Variants in MFSD6 observed in about 807,000 individuals in gnomAD.
The protein encoded by MFSD6 is major facilitator superfamily domain-containing protein 6.
MFSD6 carries 26 observed loss-of-function variants against 56.3 expected under a neutral mutation model. The ratio of observed to expected loss-of-function variants is 0.46; its 90% CI spans 0.34 to 0.64. The LOEUF (loss-of-function observed/expected upper bound fraction) is 0.64, where lower values mean the gene tolerates loss of function less well. Ranked by LOEUF, MFSD6 falls within the 30% of genes least tolerant of loss-of-function variation. The pLI is 0.01. For missense variants in MFSD6, 750 were observed against 986.2 expected (o/e 0.76, Z 3.21); for synonymous variants, 331 against 366.9 (o/e 0.90, Z 1.12).
At chr2:190,470,910 T>C (rs896980136) in intron 4 of MFSD6, among the ~76,000 whole-genome samples, 1 of 151,976 alleles carries the variant, frequency 6.6e-6, no homozygotes, top group Non-Finnish European at 1.5e-5. Flanking sequence ...CAAGTATATA[T>C]ATATATACTT....
chr2:190,478,302 A>G (rs897249510), intron 4 of MFSD6, among the ~76,000 whole-genome samples: 1 of 152,158 alleles, frequency 6.6e-6, no homozygotes, highest in Non-Finnish European at 1.5e-5. Flanking sequence ...GCCAGTTTCC[A>G]CAGAGCTCTT....
chr2:190,435,890 A>G (rs1575838710), intron 2 of MFSD6, 87 bp from the exon 3 acceptor site: 1 of 1,130,418 alleles, frequency 8.8e-7, no homozygotes, highest in Non-Finnish European at 1.2e-6. Context: ...TTTAGTTTGT[A>G]ACTGCTTAAT....
intron 4 of MFSD6, among the ~76,000 whole-genome samples, chr2:190,481,977 T>C (rs1688699268): frequency 6.6e-6 from 1 of 152,204 alleles, no homozygotes; most frequent in Non-Finnish European, 1.5e-5. Flanking sequence ...GACATGCAGC[T>C]AGATTCTATT....
chr2:190,408,377 C>G lies in MFSD6; in HGVS notation c.-302C>G, dbSNP rs1159245398. 2 of 150,586 alleles carry G rather than the reference C, an allele frequency of 1.3e-5. No individual in the cohort carries two copies. Among genetic ancestry groups the G allele is most frequent in the African/African-American group, 2.4e-5 (1 of 41,070 alleles). The allele number at this position is 150,586 out of a possible 1,614,324, so 9.3% of individuals were successfully genotyped here. ...CCCGTCGCAGCCCCGGAGGAGCGCG[C>G]GAGCAGCCCGGGATGGTGCGCGCTG... On this transcript the variant is annotated 5_prime_UTR_variant, in exon 1 of 8. Coordinates refer to ENST00000392328, the MANE Select transcript of MFSD6 (RefSeq NM_017694.4).
chr2:190,409,258 G>A (rs1236114186), intron 1 of MFSD6, among the ~76,000 whole-genome samples: 1 of 152,048 alleles, frequency 6.6e-6, no homozygotes, highest in Admixed American at 6.5e-5. Flanking sequence ...TAAGATGGTG[G>A]AAAAATACAA....
At position 190,501,394 on chromosome 2, in the gene MFSD6, A is replaced by G. The variant is rs1279309928; in HGVS notation, c.*1176A>G. Reference sequence around the variant, plus strand: ...GGACAATGTAATGTATGCAACTGCAAACGTTACAACTGCAGCCAGAACAAT... The same window carrying G: ...GGACAATGTAATGTATGCAACTGCAGACGTTACAACTGCAGCCAGAACAAT... On this transcript the variant is annotated 3_prime_UTR_variant, in exon 8 of 8. Coordinates refer to ENST00000392328, the MANE Select transcript of MFSD6 (RefSeq NM_017694.4). 1.3e-5 allele frequency: 2 copies of G among 152,244 alleles called. No individual in the cohort carries two copies. The highest frequency in any genetic ancestry group is 2.4e-5 in the African/African-American group (1 of 41,460). 9.4% of individuals were successfully genotyped at this position (152,244 alleles called of 1,614,324 possible).
At chr2:190,446,897 T>C (rs1484563005) in intron 3 of MFSD6, among the ~76,000 whole-genome samples, 2 of 152,098 alleles carry the variant, frequency 1.3e-5, no homozygotes, top group Non-Finnish European at 2.9e-5. Context: ...ATTTCAGGGG[T>C]GAGGGACTTA....
At position 190,497,862 on chromosome 2, in the gene MFSD6, T is replaced by G. The variant is rs142995503; in HGVS notation, c.2172+143T>G. 1,958 of 962,012 alleles carry G rather than the reference T, an allele frequency of 2.0e-3. 18 individuals carry two copies. In the African/African-American group the frequency reaches 0.028, roughly 14 times the overall value. 59.6% of individuals were successfully genotyped at this position (962,012 alleles called of 1,614,324 possible). ...ATAGACATGCAAACAATTTCAGTACTCTGTGAGCACTGAGTTAAAGAGGGT... is the reference window on the plus strand; with the variant it reads ...ATAGACATGCAAACAATTTCAGTACGCTGTGAGCACTGAGTTAAAGAGGGT... On this transcript the variant is annotated intron_variant, in intron 7 of 7. Coordinates refer to ENST00000392328, the MANE Select transcript of MFSD6 (RefSeq NM_017694.4). The surrounding 1 kb of genome is among the most constrained non-coding windows in gnomAD (Gnocchi z 5.2).
rs1038204231 is a variant in MFSD6 at position 190,447,904 on chromosome 2, C to T, written c.1532+10343C>T. ...AATATCTTACCATGTAATATAGCTA[C>T]CAGGCTGACTTATTAATAACAGCAT... On this transcript the variant is annotated intron_variant, in intron 3 of 7. Coordinates refer to ENST00000392328, the MANE Select transcript of MFSD6 (RefSeq NM_017694.4). This position sits in a 1 kb window ranked among gnomAD's most constrained non-coding sequence, Gnocchi z 4.5. 6.6e-6 allele frequency among the ~76,000 whole-genome samples: 1 copy of T among 152,130 alleles called. No individual in the cohort carries two copies. Among genetic ancestry groups the T allele is most frequent in the Non-Finnish European group, 1.5e-5 (1 of 68,024 alleles).
chr2:190,437,359 A>G lies in MFSD6; in HGVS notation c.1330A>G (p.Ser444Gly), dbSNP rs1686215435. 6.2e-7 allele frequency: 1 copy of G among 1,614,140 alleles called. No homozygotes were observed. The highest frequency in any genetic ancestry group is 1.1e-5 in the South Asian group (1 of 91,096). The change falls in exon 3 of 8, where the codon AGC becomes GGC. Residue 444 changes from serine to glycine, a missense_variant. Around this residue, in one of 5 missense-constraint regions of MFSD6, gnomAD observed 376 missense variants for 437.9 expected, o/e 0.86. Transcript: ENST00000392328. This position sits in a 1 kb window ranked among gnomAD's most constrained non-coding sequence, Gnocchi z 5.9. ...TTGGGACTTAATCAAGCTGCTCTGC[A>G]GCGTGCAGTATGGCTCAGTGCTGTT... ...NFWDLIKLLC[S>G]VQYGSVLFVA...
intron 1 of MFSD6, chr2:190,411,766 G>A (rs1175143780): frequency 1.0e-5 from 10 of 985,232 alleles, no homozygotes; most frequent in Non-Finnish European, 1.2e-5. Flanking sequence ...CAGGTGACTG[G>A]CTTTTACTTT....
rs1407240128 is a variant in MFSD6 at position 190,461,971 on chromosome 2, A to G, written c.1533-7787A>G. 6.6e-6 allele frequency among the ~76,000 whole-genome samples: 1 copy of G among 151,984 alleles called. No homozygotes were observed. Among genetic ancestry groups the G allele is most frequent in the African/African-American group, 2.4e-5 (1 of 41,352 alleles). ...CTAATTTGACAGTACTTTTTTCCCTACCACTTAAATCTTTATTATTATGTG... is the reference window on the plus strand; with the variant it reads ...CTAATTTGACAGTACTTTTTTCCCTGCCACTTAAATCTTTATTATTATGTG... On this transcript the variant is annotated intron_variant, in intron 3 of 7. Transcript: ENST00000392328. The surrounding 1 kb of genome is among the most constrained non-coding windows in gnomAD (Gnocchi z 5.5).
rs1327152503 is a variant in MFSD6, at chr2:190,496,667, T to C, written c.1892-772T>C. Among the ~76,000 whole-genome samples, 6 of 151,916 alleles carry C rather than the reference T, an allele frequency of 3.9e-5. No individual in the cohort carries two copies. The highest frequency in any genetic ancestry group is 1.5e-4 in the African/African-American group (6 of 41,254). On this transcript the variant is annotated intron_variant, in intron 6 of 7. Coordinates refer to ENST00000392328, the MANE Select transcript of MFSD6 (RefSeq NM_017694.4). This position sits in a 1 kb window ranked among gnomAD's most constrained non-coding sequence, Gnocchi z 4.7. ...ATATGTATATGTGTATATGTGTGTGTATGTGTGTGTGTATATACACACACA... is the reference window on the plus strand; with the variant it reads ...ATATGTATATGTGTATATGTGTGTGCATGTGTGTGTGTATATACACACACA...
At chr2:190,409,246 G>C (rs965704044) in intron 1 of MFSD6, among the ~76,000 whole-genome samples, 5 of 151,998 alleles carry the variant, frequency 3.3e-5, no homozygotes, top group African/African-American at 1.2e-4. Flanking sequence ...TGCAAATTTA[G>C]GTAAGATGGT....
chr2:190,432,910 A>G (rs1049764352), intron 2 of MFSD6, among the ~76,000 whole-genome samples: 1 of 149,846 alleles, frequency 6.7e-6, no homozygotes, highest in African/African-American at 2.5e-5. Flanking sequence ...ATATAAATCT[A>G]ATATAGCTAA....
At chr2:190,421,758 A>G (rs6707836) in intron 2 of MFSD6, among the ~76,000 whole-genome samples, 116,050 of 151,966 alleles carry the variant, frequency 0.76, 45,094 homozygotes, top group East Asian at 0.89. Flanking sequence ...ATGGGATCTC[A>G]CTATGTTGCC....
chr2:190,464,792 C>T, intron 3 of MFSD6: 1 of 422,288 alleles, frequency 2.4e-6, no homozygotes, highest in Non-Finnish European at 3.2e-6. Flanking sequence ...CCCTTGAAGA[C>T]CAAGTAGATT....
In MFSD6 at chr2:190,477,313, C is replaced by T. The variant is rs1688392582; in HGVS notation, c.1630+7458C>T. ...TTCCCACCTCTGGTTCCTGTTCTAT[C>T]CTGACCTGGCTTAATTGCTTTATTT... is the stretch of plus-strand genomic sequence containing the variant. On this transcript the variant is annotated intron_variant, in intron 4 of 7. Coordinates refer to ENST00000392328, the MANE Select transcript of MFSD6 (RefSeq NM_017694.4). 18 of 984,638 alleles carry T rather than the reference C, an allele frequency of 1.8e-5. No homozygotes were observed. The South Asian group carries it at 8.0e-4, about 44-fold the overall frequency. The allele number at this position is 984,638 out of a possible 1,614,324, so 61.0% of individuals were successfully genotyped here. A position where few individuals can be genotyped will look rare whatever the true frequency, so the allele number is the denominator to read the frequency against.
At chr2:190,411,629 A>G (rs553203684) in intron 1 of MFSD6, 1 of 978,016 alleles carries the variant, frequency 1.0e-6, no homozygotes, top group African/African-American at 1.7e-5. Context: ...AATTGATTTT[A>G]TAACAATCCA....
Sources: allele counts gnomAD v4.1 joint callset (sites outside exome capture counted in the v4.1 genomes callset), GRCh38; gene constraint gnomAD v4.1.1; regional missense constraint gnomAD v4.1.1; non-coding constraint Gnocchi (gnomAD v3.1); transcripts MANE v1.5; gene names NCBI Gene and HGNC (gene_info 2026-07-23, HGNC 2026-07-21).